EMG1: variants seen among roughly 807,000 people sequenced by gnomAD.
EMG1 encodes ribosomal RNA small subunit methyltransferase NEP1.
In EMG1, 24 loss-of-function variants were observed where a neutral mutation model predicts 26.9. That is an observed-to-expected ratio of 0.89 (90% CI 0.65 to 1.26). The LOEUF is 1.26. EMG1 is among the 50% of genes most tolerant of loss of function. EMG1 has a pLI of 0.00. For synonymous variants in EMG1, 140 were observed against 112.6 expected (o/e 1.24, Z -1.54); for missense variants, 299 against 307.6 (o/e 0.97, Z 0.21).
intron 7 of EMG1, among the ~76,000 whole-genome samples, chr12:6,994,273 T>C (rs1399905549): frequency 1.3e-5 from 2 of 152,202 alleles, no homozygotes; most frequent in African/African-American, 4.8e-5. Flanking sequence ...AGTGGCATGA[T>C]CTTGGCTCAC....
chr12:6,991,576 G>A (rs1555155504), downstream of EMG1, among the ~76,000 whole-genome samples: 1 of 152,166 alleles, frequency 6.6e-6, no homozygotes, highest in African/African-American at 2.4e-5. Context: ...TCATGGGAGT[G>A]GATACAAGTT....
rs1555153499 is a variant in EMG1, at chr12:6,977,751, G to GA, written c.*1946dup. The GA allele has an allele frequency of 1.9e-6, 3 of 1,614,008 alleles. No homozygotes were observed. The highest frequency in any genetic ancestry group is 1.6e-4 in the Middle Eastern group (1 of 6,062). On this transcript the variant is annotated 3_prime_UTR_variant, in exon 6 of 6. Coordinates refer to ENST00000599672, the MANE Select transcript of EMG1 (RefSeq NM_006331.8). The surrounding 1 kb of genome is among the most constrained non-coding windows in gnomAD (Gnocchi z 4.5). ...TGAGTCGTTTGAAGATGTAGCTGGA[G>GA]AAAAGGGTGGGTGGGGCGACCCTCA...
At chr12:6,975,506 C>T in intron 5 of EMG1, 128 bp downstream of exon 5, 3 of 1,118,596 alleles carry the variant, frequency 2.7e-6, no homozygotes, top group Non-Finnish European at 3.9e-6. Context: ...CACCCTGCCC[C>T]AGGGCACATC....
rs1555154983 is a variant in EMG1, at chr12:6,987,927, C to G, written c.*211+89C>G. ...GTCCACTTCTTATAGCCTGTCTGTC[C>G]CTTTCCTTGCTACTCTGGGATCAAC... On this transcript the variant is annotated intron_variant and NMD_transcript_variant, in intron 7 of 7. Transcript: ENST00000261406. This position sits in a 1 kb window ranked among gnomAD's most constrained non-coding sequence, Gnocchi z 4.1. 5.0e-6 allele frequency: 2 copies of G among 399,636 alleles called. No individual in the cohort carries two copies. Among genetic ancestry groups the G allele is most frequent in the African/African-American group, 4.1e-5 (2 of 48,640 alleles). 24.8% of individuals were successfully genotyped at this position (399,636 alleles called of 1,614,324 possible). A position where few individuals can be genotyped will look rare whatever the true frequency, so the allele number is the denominator to read the frequency against.
At position 6,975,240 on chromosome 12, in the gene EMG1, TCC is replaced by T; in HGVS notation, c.484_485del (p.Pro162SerfsTer23). The T allele has an allele frequency of 6.2e-7, 1 of 1,613,926 alleles. No homozygotes were observed. The highest frequency in any genetic ancestry group is 8.5e-7 in the Non-Finnish European group (1 of 1,179,832). ...PQKLLKVIKNPVSDHFPVGCM... is the reference protein window; with the variant it reads ...PQKLLKVIKNXVSDHFPVGCM... ...CTTTTTTACTTTAGGTAATTAAGAA[TCC>T]AGTATCAGATCACTTTCCAGTTGGA... On this transcript the variant is annotated frameshift_variant, in exon 5 of 6. Coordinates refer to ENST00000599672, the MANE Select transcript of EMG1 (RefSeq NM_006331.8). LOFTEE classifies it high-confidence loss of function.
chr12:6,993,419 C>T (rs1282408207), intron 7 of EMG1, among the ~76,000 whole-genome samples: 3 of 151,172 alleles, frequency 2.0e-5, no homozygotes, highest in Non-Finnish European at 2.9e-5. Context: ...GGCAACAGAG[C>T]GAGACTCCAT....
At chr12:6,986,599 A>G (rs1946528422) in intron 6 of EMG1, among the ~76,000 whole-genome samples, 1 of 151,924 alleles carries the variant, frequency 6.6e-6, no homozygotes, top group South Asian at 2.1e-4. Flanking sequence ...CCTGGCTAAC[A>G]TGGTGAAATT....
downstream of EMG1, among the ~76,000 whole-genome samples, chr12:6,990,790 G>A (rs1047221345): frequency 2.0e-5 from 3 of 149,784 alleles, no homozygotes; most frequent in Admixed American, 6.6e-5. Flanking sequence ...GGTGGCAGGC[G>A]CCTGTGATCC....
chr12:6,993,395 C>G (rs946706688), intron 7 of EMG1, among the ~76,000 whole-genome samples: 1 of 151,456 alleles, frequency 6.6e-6, no homozygotes, highest in Non-Finnish European at 1.5e-5. Flanking sequence ...GATTGCGCCA[C>G]TGCACTCCAG....
chr12:6,989,549 C>T (rs1411879941), downstream of EMG1, among the ~76,000 whole-genome samples: 1 of 152,164 alleles, frequency 6.6e-6, no homozygotes, highest in African/African-American at 2.4e-5. Flanking sequence ...CCGCCCGCCT[C>T]GGCCTCCCAA....
In EMG1 at chr12:6,979,053, T is replaced by C; in HGVS notation, c.*3244T>C. On this transcript the variant is annotated 3_prime_UTR_variant, in exon 6 of 6. Transcript: ENST00000599672. ...CCTGCCCAGAATTACTGAACTGTTT[T>C]CAAGCCTTTCAGCTGGGCAGGAGCA... is the stretch of plus-strand genomic sequence containing the variant. 1 of 303,978 alleles carries C rather than the reference T, an allele frequency of 3.3e-6. No homozygotes were observed. The highest frequency in any genetic ancestry group is 6.1e-6 in the Non-Finnish European group (1 of 162,824). The allele number at this position is 303,978 out of a possible 1,614,324, so 18.8% of individuals were successfully genotyped here.
Position 6,977,718 on chromosome 12 carries a change from A to C in EMG1, c.*1909A>C. ...GACCCTGAGAGAGTTCTTTATTTCC[A>C]AGGAACTTGAGTCGTTTGAAGATGT... On this transcript the variant is annotated 3_prime_UTR_variant, in exon 6 of 6. Coordinates refer to ENST00000599672, the MANE Select transcript of EMG1 (RefSeq NM_006331.8). This position sits in a 1 kb window ranked among gnomAD's most constrained non-coding sequence, Gnocchi z 4.5. 1.9e-6 allele frequency: 3 copies of C among 1,614,178 alleles called. No individual in the cohort carries two copies. Among genetic ancestry groups the C allele is most frequent in the Non-Finnish European group, 2.5e-6 (3 of 1,180,038 alleles).
chr12:6,990,016 TA>T (rs1229693943), downstream of EMG1, among the ~76,000 whole-genome samples: 6 of 149,928 alleles, frequency 4.0e-5, no homozygotes, highest in Non-Finnish European at 5.9e-5. Flanking sequence ...CTACAAAAAA[TA>T]AAAAAAATAG....
Position 6,975,810 on chromosome 12 carries a change from CAGT to C in EMG1, c.*7_*9del, listed in dbSNP as rs782729850. 1.3e-5 allele frequency: 20 copies of C among 1,562,866 alleles called. No individual in the cohort carries two copies. The African/African-American group carries it at 2.3e-4, about 18-fold the overall frequency. On this transcript the variant is annotated 3_prime_UTR_variant, in exon 6 of 6. Transcript: ENST00000599672. ...TGAGGAAGTATGGGGGGTCATTTGA[CAGT>C]AGTAGAACCTGTTCTGAAACCAGAA...
rs782409227 is a variant in EMG1 at position 6,978,488 on chromosome 12, G to A, written c.*2679G>A. The A allele has an allele frequency of 1.5e-5, 24 of 1,613,282 alleles. No individual in the cohort carries two copies. Among genetic ancestry groups the A allele is most frequent in the East Asian group, 2.2e-5 (1 of 44,892 alleles). ...TTCAAAGCCATTGAAGCCCAGGCCC[G>A]TCAAAATGCATACTCCTTCCTGAGA... On this transcript the variant is annotated 3_prime_UTR_variant, in exon 6 of 6. Transcript: ENST00000599672.
chr12:6,986,572 C>T (rs1276944636), intron 6 of EMG1, among the ~76,000 whole-genome samples: 2 of 151,836 alleles, frequency 1.3e-5, no homozygotes, highest in Non-Finnish European at 2.9e-5. Context: ...ATCACGAGGT[C>T]AGGAAATCGA....
At chr12:6,975,596 C>T (rs1194054094) in intron 5 of EMG1, 100 bp from the exon 6 acceptor site, 2 of 997,004 alleles carry the variant, frequency 2.0e-6, no homozygotes, top group Non-Finnish European at 3.2e-6. Context: ...TTCAACAGCA[C>T]AGCTGAAATA....
Position 6,973,004 on chromosome 12 carries a change from ATTTTTTTTTTT to A in EMG1, c.169-1328_169-1318del, listed in dbSNP as rs11462026. On this transcript the variant is annotated intron_variant, in intron 1 of 5. Coordinates refer to ENST00000599672, the MANE Select transcript of EMG1 (RefSeq NM_006331.8). ...CAGCAAATGGCACTGCGCCTGGCTA[ATTTTTTTTTTT>A]TTTTTTGTGAGACAGGGTCCCACCG... 1.5e-4 allele frequency among the ~76,000 whole-genome samples: 21 copies of A among 137,608 alleles called. 1 individual carries two copies. The highest frequency in any genetic ancestry group is 5.7e-4 in the African/African-American group (21 of 36,910). 90.3% of individuals were successfully genotyped at this position (137,608 alleles called of 152,430 possible).
rs1946394378 is a variant in EMG1, at chr12:6,975,964, A to G, written c.*155A>G. On this transcript the variant is annotated 3_prime_UTR_variant, in exon 6 of 6. Transcript: ENST00000599672. ...TTTGCTATTTGTTTATCCTATGAAT[A>G]CTGTTCTTGCAAACCTGGTTGTTTT... 2 of 594,002 alleles carry G rather than the reference A, an allele frequency of 3.4e-6. No homozygotes were observed. The highest frequency in any genetic ancestry group is 2.8e-5 in the East Asian group (1 of 36,090). 36.8% of individuals were successfully genotyped at this position (594,002 alleles called of 1,614,324 possible). A position where few individuals can be genotyped will look rare whatever the true frequency, so the allele number is the denominator to read the frequency against.
Sources: gnomAD v4.1 joint callset for allele counts (sites outside exome capture counted in the v4.1 genomes callset) on GRCh38, gnomAD v4.1.1 for gene constraint, Gnocchi (gnomAD v3.1) non-coding constraint, MANE v1.5 for transcripts, NCBI Gene and HGNC (gene_info 2026-07-23, HGNC 2026-07-21) for gene names.